CEP72: variants seen among roughly 807,000 people sequenced by gnomAD.
CEP72 encodes the protein centrosomal protein of 72 kDa.
CEP72 carries 78 observed loss-of-function variants against 65.7 expected under a neutral mutation model. That is an observed-to-expected ratio of 1.19 (90% CI 0.99 to 1.43). The LOEUF (loss-of-function observed/expected upper bound fraction) is 1.43. Among genes scored for constraint, CEP72 ranks in the 40% most tolerant of loss-of-function variants. The probability of loss-of-function intolerance (pLI) is 0.00; values close to 1 mark genes in which losing one functional copy is unlikely to be tolerated. For synonymous variants in CEP72, 358 were observed against 351.7 expected (o/e 1.02, Z -0.20); for missense variants, 914 against 832.9 (o/e 1.10, Z -1.20).
chr5:654,011 CTGTGTGT>C (rs1212462920), downstream of CEP72, among the ~76,000 whole-genome samples: 2 of 120,044 alleles, frequency 1.7e-5, no homozygotes, highest in Non-Finnish European at 3.4e-5. Flanking sequence ...TGTGTGTGTG[CTGTGTGT>C]GCGCTAGTGT....
intron 2 of CEP72, chr5:664,670 T>G (rs1161979507): frequency 1.1e-5 from 2 of 176,620 alleles, no homozygotes; most frequent in African/African-American, 2.4e-5. Context: ...TGGGGCCAAT[T>G]CCGTGTTAGT....
intron 2 of CEP72, chr5:665,068 G>A: frequency 6.3e-7 from 1 of 1,593,964 alleles, no homozygotes; most frequent in Non-Finnish European, 8.5e-7. Context: ...CTGCTCTGGG[G>A]ACACCGGCAG....
chr5:612,456 G>A lies in CEP72; in HGVS notation c.82+13G>A, dbSNP rs1735729683. On this transcript the variant is annotated intron_variant, in intron 1 of 11. Transcript: ENST00000264935. ...CACCGCGACCTGGGTGCGCCGGAGG[G>A]CGGGCGGGGGTGCAAGCGTGAGGTG... The A allele has an allele frequency of 6.9e-7, 1 of 1,441,324 alleles. No individual in the cohort carries two copies. The highest frequency in any genetic ancestry group is 9.1e-7 in the Non-Finnish European group (1 of 1,098,110). 89.3% of individuals were successfully genotyped at this position (1,441,324 alleles called of 1,614,324 possible).
the CEP72 span, among the ~76,000 whole-genome samples, chr5:675,057 G>A: frequency 1.1e-5 from 1 of 94,562 alleles, no homozygotes; most frequent in Non-Finnish European, 2.2e-5. Flanking sequence ...ATGGCTGGGG[G>A]TGCAGTGTGG....
At chr5:625,750 C>T (rs1293623667) in intron 4 of CEP72, among the ~76,000 whole-genome samples, 3 of 152,118 alleles carry the variant, frequency 2.0e-5, no homozygotes, top group Non-Finnish European at 4.4e-5. Flanking sequence ...TGTTCCATGC[C>T]CCTCCTGGCT....
chr5:655,190 A>G (rs1027079934), downstream of CEP72, among the ~76,000 whole-genome samples: 10 of 151,994 alleles, frequency 6.6e-5, no homozygotes, highest in Middle Eastern at 3.2e-3. The surrounding 1 kb of genome is among the most constrained non-coding windows in gnomAD (Gnocchi z 5.0). Context: ...GCGAAACTCC[A>G]TCTCTGCTAA....
At chr5:625,653 C>G (rs2126752354) in intron 4 of CEP72, among the ~76,000 whole-genome samples, 1 of 152,376 alleles carries the variant, frequency 6.6e-6, no homozygotes, top group Non-Finnish European at 1.5e-5. Flanking sequence ...GCCCCCATCA[C>G]CCCATTTCAA....
chr5:671,345 C>T (rs1197277889), downstream of CEP72, among the ~76,000 whole-genome samples: 3 of 152,034 alleles, frequency 2.0e-5, no homozygotes, highest in Non-Finnish European at 2.9e-5. Context: ...AGAGGGACCC[C>T]GGGCAGATCT....
In CEP72 at chr5:628,400, C is replaced by A. The variant is rs58612502; in HGVS notation, c.512+3821C>A. On this transcript the variant is annotated intron_variant, in intron 4 of 11. Transcript: ENST00000264935. ...CCCAGCCCCCTTCTTTGTGCAGCTT[C>A]TGGAGAACTCAGGTCACAGGCCCCG... 4.6e-3 allele frequency among the ~76,000 whole-genome samples: 692 copies of A among 149,118 alleles called. 2 individuals are homozygous for A. Among genetic ancestry groups the A allele is most frequent in the Admixed American group, 0.013 (199 of 14,862 alleles).
At position 640,902 on chromosome 5, in the gene CEP72, A is replaced by C. The variant is rs549856952; in HGVS notation, c.1539+298A>C. 6.2e-5 allele frequency: 61 copies of C among 985,394 alleles called. No homozygotes were observed. The South Asian group carries it at 1.5e-3, about 24-fold the overall frequency. The allele number at this position is 985,394 out of a possible 1,614,324, so 61.0% of individuals were successfully genotyped here. On this transcript the variant is annotated intron_variant, in intron 9 of 11. Transcript: ENST00000264935. Reference sequence around the variant, plus strand: ...GCTGCAGGAGCCAGGCCTGGACGTGACTTTGTCTTGCTGACCCATCTCTCA... The same window carrying C: ...GCTGCAGGAGCCAGGCCTGGACGTGCCTTTGTCTTGCTGACCCATCTCTCA...
intron 1 of CEP72, among the ~76,000 whole-genome samples, chr5:616,831 T>TGTGTGTGC (rs1554010789): frequency 3.9e-4 from 58 of 147,868 alleles, no homozygotes; most frequent in Middle Eastern, 3.5e-3. Flanking sequence ...TGTGTGTGTG[T>TGTGTGTGC]GCGCGCGAGT....
At chr5:668,218 CAG>C (rs570538701), downstream of CEP72, among the ~76,000 whole-genome samples, 2 of 101,186 alleles carry the variant, frequency 2.0e-5, no homozygotes, top group Admixed American at 9.7e-5. Context: ...GACAAGCACA[CAG>C]AGAGGGGGCC....
chr5:664,980 C>G, intron 2 of CEP72: 1 of 1,249,124 alleles, frequency 8.0e-7, no homozygotes, highest in Non-Finnish European at 1.1e-6. Context: ...GGCCGCCCCC[C>G]AGCCCCCTCT....
the CEP72 span, among the ~76,000 whole-genome samples, chr5:674,824 C>T: frequency 6.6e-6 from 1 of 151,676 alleles, no homozygotes; most frequent in East Asian, 1.9e-4. Context: ...CAGCGGCTGA[C>T]ATAAGCCCTG....
chr5:676,203 G>A, the CEP72 span: 3 of 152,258 alleles, frequency 2.0e-5, no homozygotes, highest in Non-Finnish European at 2.9e-5. Context: ...AAATGCCCTC[G>A]GATGCACTCA....
chr5:621,016 T>C (rs1736355979), intron 3 of CEP72, among the ~76,000 whole-genome samples: 2 of 152,132 alleles, frequency 1.3e-5, no homozygotes, highest in South Asian at 4.1e-4. Flanking sequence ...CCAGAGTCCA[T>C]GGGGAAGAAG....
At chr5:648,219 G>A (rs551054757) in intron 11 of CEP72, among the ~76,000 whole-genome samples, 1 of 150,620 alleles carries the variant, frequency 6.6e-6, no homozygotes, top group Non-Finnish European at 1.5e-5. Context: ...AGATGGGACT[G>A]TGAGGTATGT....
downstream of CEP72, among the ~76,000 whole-genome samples, chr5:654,443 G>C (rs911315688): frequency 6.7e-6 from 1 of 148,994 alleles, no homozygotes; most frequent in African/African-American, 2.5e-5. Context: ...CTAGCTGTGT[G>C]TGTGTGTGCT....
At position 639,187 on chromosome 5, in the gene CEP72, C is replaced by T. The variant is rs376000627; in HGVS notation, c.1305C>T (p.Gly435=). 39 of 1,606,150 alleles carry T rather than the reference C, an allele frequency of 2.4e-5. 1 individual carries two copies. In the South Asian group the frequency reaches 2.9e-4, roughly 12 times the overall value. Residue 435 remains glycine (G), a synonymous_variant, in exon 8 of 12, where the codon GGC becomes GGT. Coordinates refer to ENST00000264935, the MANE Select transcript of CEP72 (RefSeq NM_018140.4). ...TGGACCTGGTGGACAGGAGCTGGGG[C>T]GGCTGCAGGTCCCTGCACAGCAACG... ...TLLDLVDRSW[G]GCRSLHSNEA...
Sources: allele counts gnomAD v4.1 joint callset (sites outside exome capture counted in the v4.1 genomes callset), GRCh38; gene constraint gnomAD v4.1.1; non-coding constraint Gnocchi (gnomAD v3.1); transcripts MANE v1.5; gene names NCBI Gene and HGNC (gene_info 2026-07-23, HGNC 2026-07-21).